PCDHGA5: variants seen among roughly 807,000 people sequenced by gnomAD.
PCDHGA5 encodes the protein protocadherin gamma-A5.
A neutral mutation model predicts 56.7 loss-of-function variants in PCDHGA5; 36 were observed. The observed-to-expected ratio is 0.64, with a 90% CI of 0.49 to 0.84. The LOEUF is 0.84. Ranked by LOEUF, PCDHGA5 falls within the 40% of genes least tolerant of loss-of-function variation. The pLI, the probability that PCDHGA5 is intolerant of heterozygous loss-of-function variation, is 0.00. For missense variants in PCDHGA5, 1,305 were observed against 1,201.5 expected (o/e 1.09, Z -1.27); for synonymous variants, 563 against 520.2 (o/e 1.08, Z -1.12).
At chr5:141,423,029 A>C (rs1049470142) in intron 1 of PCDHGA5, 1 of 1,614,218 alleles carries the variant, frequency 6.2e-7, no homozygotes, top group Non-Finnish European at 8.5e-7. Context: ...GATTCAGGCC[A>C]GAACGCCTGG....
intron 1 of PCDHGA5, chr5:141,414,124 G>T (rs1214312992): frequency 6.3e-7 from 1 of 1,592,872 alleles, no homozygotes; most frequent in East Asian, 2.3e-5. Flanking sequence ...TGAAGAAACC[G>T]GTTTCTATGA....
chr5:141,382,556 G>C (rs1286845940), intron 1 of PCDHGA5, among the ~76,000 whole-genome samples: 1 of 152,160 alleles, frequency 6.6e-6, no homozygotes, highest in Non-Finnish European at 1.5e-5. Flanking sequence ...GGGATATCTA[G>C]AGCAAAGAAA....
At chr5:141,456,873 G>A (rs2098894054) in intron 1 of PCDHGA5, among the ~76,000 whole-genome samples, 1 of 152,152 alleles carries the variant, frequency 6.6e-6, no homozygotes, top group Non-Finnish European at 1.5e-5. Context: ...TGAGGCAGGA[G>A]AATCGCTTGA....
At chr5:141,383,723 G>A in intron 1 of PCDHGA5, 1 of 1,613,946 alleles carries the variant, frequency 6.2e-7, no homozygotes. Context: ...GGAGTCAATG[G>A]GGAAGTGACA....
At chr5:141,467,649 T>C (rs2099147987) in intron 1 of PCDHGA5, among the ~76,000 whole-genome samples, 1 of 152,146 alleles carries the variant, frequency 6.6e-6, no homozygotes, top group Non-Finnish European at 1.5e-5. Flanking sequence ...TGTACCAAAC[T>C]TCTATAGTGC....
At chr5:141,373,523 C>T (rs2150024723) in intron 1 of PCDHGA5, among the ~76,000 whole-genome samples, 1 of 152,052 alleles carries the variant, frequency 6.6e-6, no homozygotes, top group African/African-American at 2.4e-5. Flanking sequence ...ACTTTGTCTC[C>T]AAAAAAGTGT....
chr5:141,398,222 A>C, intron 1 of PCDHGA5: 2 of 1,483,320 alleles, frequency 1.3e-6, no homozygotes, highest in Non-Finnish European at 1.8e-6. Flanking sequence ...CTCTGTGAGC[A>C]GATCCGCTAC....
chr5:141,409,697 C>A (rs372548874), intron 1 of PCDHGA5: 1 of 1,613,178 alleles, frequency 6.2e-7, no homozygotes, highest in African/African-American at 1.3e-5. Context: ...CCTAGAGCCC[C>A]TGGCGGTGTC....
At chr5:141,404,623 C>T in intron 1 of PCDHGA5, 3 of 1,614,154 alleles carry the variant, frequency 1.9e-6, no homozygotes, top group Non-Finnish European at 2.5e-6. Context: ...ACCAGAATGA[C>T]AATGCCCCAG....
In PCDHGA5 at chr5:141,431,430, G is replaced by A; in HGVS notation, c.2422-63377G>A. ...GACGGGGGCGACCCGGTGCGCACAG[G>A]CACCGCGCGCATCCGCGTGATGGTT... is the stretch of plus-strand genomic sequence containing the variant. On this transcript the variant is annotated intron_variant, in intron 1 of 3. Coordinates refer to ENST00000518069, the MANE Select transcript of PCDHGA5 (RefSeq NM_018918.3). The surrounding 1 kb of genome is among the most constrained non-coding windows in gnomAD (Gnocchi z 4.8). 1 of 1,613,680 alleles carries A rather than the reference G, an allele frequency of 6.2e-7. No individual in the cohort carries two copies. The highest frequency in any genetic ancestry group is 8.5e-7 in the Non-Finnish European group (1 of 1,180,018).
In PCDHGA5 at chr5:141,393,591, C is replaced by T. The variant is rs369860953; in HGVS notation, c.2421+26840C>T. On this transcript the variant is annotated intron_variant, in intron 1 of 3. Coordinates refer to ENST00000518069, the MANE Select transcript of PCDHGA5 (RefSeq NM_018918.3). ...CCTTGAGAACATGCCCCCAGGCACG[C>T]GGCTGCTTACTGTAACAGCCAGCGA... The T allele has an allele frequency of 1.8e-5, 29 of 1,613,882 alleles. No homozygotes were observed. The Middle Eastern group carries it at 4.9e-4, about 28-fold the overall frequency.
chr5:141,365,441 G>A lies in PCDHGA5; in HGVS notation c.1111G>A (p.Val371Ile), dbSNP rs749640886. 7 of 1,613,952 alleles carry A rather than the reference G, an allele frequency of 4.3e-6. No homozygotes were observed. Among genetic ancestry groups the A allele is most frequent in the East Asian group, 2.2e-5 (1 of 44,878 alleles). Residue 371 changes from valine to isoleucine, a missense_variant, in exon 1 of 4, where the codon GTA becomes ATA. Transcript: ENST00000518069. ...LPGTVIALFS[V>I]HDGDSGENGE... ...CGGAACTGTAATCGCGCTGTTTAGCGTACATGATGGTGATTCTGGAGAAAA... is the reference window on the plus strand; with the variant it reads ...CGGAACTGTAATCGCGCTGTTTAGCATACATGATGGTGATTCTGGAGAAAA...
chr5:141,421,515 CTG>C, intron 1 of PCDHGA5: 1 of 1,614,080 alleles, frequency 6.2e-7, no homozygotes, highest in Non-Finnish European at 8.5e-7. Context: ...GGGAGGAGCT[CTG>C]TGAGACGGTG....
chr5:141,415,786 A>ATT, intron 1 of PCDHGA5: 2 of 1,374,914 alleles, frequency 1.5e-6, no homozygotes, highest in Non-Finnish European at 1.9e-6. Flanking sequence ...TTCTGGTAAA[A>ATT]TTCACCTAGT....
intron 1 of PCDHGA5, among the ~76,000 whole-genome samples, chr5:141,381,472 A>G (rs1777217104): frequency 6.6e-6 from 1 of 152,246 alleles, no homozygotes; most frequent in Non-Finnish European, 1.5e-5. Context: ...AATGCTGTCT[A>G]GAGATCCCTG....
rs372054375 is a variant in PCDHGA5, at chr5:141,490,825, A to T, written c.2422-3982A>T. 9 of 1,613,692 alleles carry T rather than the reference A, an allele frequency of 5.6e-6. No individual in the cohort carries two copies. The highest frequency in any genetic ancestry group is 3.3e-4 in the Middle Eastern group (2 of 6,062). On this transcript the variant is annotated intron_variant, in intron 1 of 3. Transcript: ENST00000518069. This position sits in a 1 kb window ranked among gnomAD's most constrained non-coding sequence, Gnocchi z 5.4. ...TACCTTTGACTATGAATTGCTGCAG[A>T]TGCTGCAGATTGTGGTGGGGGTTCG... is the stretch of plus-strand genomic sequence containing the variant.
intron 1 of PCDHGA5, chr5:141,393,241 A>C (rs377394191): frequency 1.8e-4 from 292 of 1,613,684 alleles, no homozygotes; most frequent in Non-Finnish European, 2.3e-4. Context: ...GTAAAAATTA[A>C]CGAAATCGCG....
chr5:141,397,199 T>G (rs1317536621), intron 1 of PCDHGA5, among the ~76,000 whole-genome samples: 1 of 152,156 alleles, frequency 6.6e-6, no homozygotes, highest in African/African-American at 2.4e-5. Context: ...GTAAAAGATA[T>G]GACATAAGAG....
Position 141,493,689 on chromosome 5 carries a change from C to A in PCDHGA5, c.2422-1118C>A, listed in dbSNP as rs2099749557. The stretch of plus-strand genomic sequence containing the variant: ...GGCAGCCCCAGAATGGTGCTGGTGA[C>A]TCCCGATACACCTGGAATGCTAGGT... On this transcript the variant is annotated intron_variant, in intron 1 of 3. Transcript: ENST00000518069. The surrounding 1 kb of genome is among the most constrained non-coding windows in gnomAD (Gnocchi z 4.3). Among the ~76,000 whole-genome samples the A allele has an allele frequency of 6.6e-6, 1 of 152,218 alleles. No homozygotes were observed. The highest frequency in any genetic ancestry group is 2.4e-5 in the African/African-American group (1 of 41,450).
Sources: allele counts gnomAD v4.1 joint callset (sites outside exome capture counted in the v4.1 genomes callset), GRCh38; gene constraint gnomAD v4.1.1; non-coding constraint Gnocchi (gnomAD v3.1); transcripts MANE v1.5; gene names NCBI Gene and HGNC (gene_info 2026-07-23, HGNC 2026-07-21).